The following HELZ variants were observed in gnomAD, a reference collection of about 807,000 sequenced individuals.
HELZ encodes helicase with zinc finger, also known as ATP-dependent RNA helicase with zinc finger domain.
In HELZ, 23 loss-of-function variants were observed where a neutral mutation model predicts 218.2. That is an observed-to-expected ratio of 0.11 (90% CI 0.08 to 0.15). The LOEUF is 0.15. HELZ is among the 10% of genes least tolerant of loss of function. HELZ has a pLI of 1.00. For synonymous variants in HELZ, 814 were observed against 829.4 expected (o/e 0.98, Z 0.32); for missense variants, 1,813 against 2,353.7 (o/e 0.77, Z 4.75).
chr17:67,201,194 G>A lies in HELZ; in HGVS notation c.373-9C>T, dbSNP rs746472821. ...TTTGTTACCATCCCATTCTGAAAGG[G>A]TGAATAAAAAAGAGAAGAACCAATT... On this transcript the variant is annotated splice_polypyrimidine_tract_variant and intron_variant, in intron 6 of 32. Transcript: ENST00000358691. 2 of 1,591,086 alleles carry A rather than the reference G, an allele frequency of 1.3e-6. No homozygotes were observed. Among genetic ancestry groups the A allele is most frequent in the South Asian group, 1.1e-5 (1 of 90,226 alleles).
chr17:67,161,465 T>G (rs2038992627), intron 15 of HELZ, among the ~76,000 whole-genome samples: 1 of 152,178 alleles, frequency 6.6e-6, no homozygotes, highest in African/African-American at 2.4e-5. Context: ...AGTAGTAGGT[T>G]TTTTTGCATA....
At chr17:67,154,754 G>A (rs1427502925) in intron 17 of HELZ, among the ~76,000 whole-genome samples, 2 of 152,046 alleles carry the variant, frequency 1.3e-5, no homozygotes, top group African/African-American at 4.8e-5. Flanking sequence ...TTTGGTGAGG[G>A]GGAAATTTTA....
At position 67,189,929 on chromosome 17, in the gene HELZ, G is replaced by A. The variant is rs146410791; in HGVS notation, c.756+228C>T. The stretch of plus-strand genomic sequence containing the variant: ...CAAAAATGGCACTCAAAAACTGCCT[G>A]AATGAAGGTAATTAATACAGTACAG... On this transcript the variant is annotated intron_variant, in intron 10 of 32. Transcript: ENST00000358691. 4.7e-3 allele frequency among the ~76,000 whole-genome samples: 714 copies of A among 152,284 alleles called. 5 individuals carry two copies. Among genetic ancestry groups the A allele is most frequent in the African/African-American group, 0.016 (679 of 41,572 alleles).
chr17:67,123,856 A>G, intron 25 of HELZ, 107 bp downstream of exon 25: 1 of 738,926 alleles, frequency 1.4e-6, no homozygotes, highest in Non-Finnish European at 2.4e-6. Flanking sequence ...TCAGAGAGAA[A>G]GAGAGAGAGA....
At chr17:67,193,239 GGAGGCTGAGGTGAGAGGATCATTT>G (rs2039941683) in intron 9 of HELZ, among the ~76,000 whole-genome samples, 1 of 151,770 alleles carries the variant, frequency 6.6e-6, no homozygotes, top group Non-Finnish European at 1.5e-5. Flanking sequence ...CAGCTACTTG[GGAGGCTGAGGTGAGAGGATCATTT>G]GAGCCTGGGA....
At chr17:67,144,814 C>T (rs566496928) in intron 21 of HELZ, among the ~76,000 whole-genome samples, 2 of 152,172 alleles carry the variant, frequency 1.3e-5, no homozygotes, top group Non-Finnish European at 2.9e-5. Context: ...AAGGAGACCC[C>T]TAAAGTTATT....
intron 9 of HELZ, 28 bp downstream of exon 9, chr17:67,193,939 T>C (rs752943362): frequency 6.4e-7 from 1 of 1,560,708 alleles, no homozygotes; most frequent in Non-Finnish European, 8.8e-7. Flanking sequence ...GACATGTCAT[T>C]GTTTAAAAAC....
At chr17:67,217,540 C>G (rs1172471482) in intron 4 of HELZ, among the ~76,000 whole-genome samples, 4 of 152,196 alleles carry the variant, frequency 2.6e-5, no homozygotes, top group Non-Finnish European at 5.9e-5. Flanking sequence ...CCTGCAATAG[C>G]TCCCCAACTC....
chr17:67,172,582 G>A (rs8067363), intron 13 of HELZ, among the ~76,000 whole-genome samples: 152,286 of 152,328 alleles, frequency 1, 76,122 homozygotes, highest in Middle Eastern at 1. Context: ...CAACTATCTT[G>A]GGCCACATAT....
At chr17:67,209,713 T>C (rs1020127998) in intron 5 of HELZ, among the ~76,000 whole-genome samples, 3 of 150,290 alleles carry the variant, frequency 2.0e-5, no homozygotes, top group Non-Finnish European at 4.4e-5. Flanking sequence ...ACACTTCCAC[T>C]CTGGACTGGC....
intron 23 of HELZ, among the ~76,000 whole-genome samples, chr17:67,134,990 T>A (rs1470755829): frequency 6.6e-6 from 1 of 151,856 alleles, no homozygotes; most frequent in Non-Finnish European, 1.5e-5. Context: ...TTTTTTTTTT[T>A]AATGCTAGCA....
intron 2 of HELZ, among the ~76,000 whole-genome samples, chr17:67,242,957 A>C (rs1318238753): frequency 2.0e-5 from 3 of 152,146 alleles, no homozygotes; most frequent in African/African-American, 7.2e-5. Context: ...ACAAAAAAAA[A>C]ACTACAGTAA....
At chr17:67,165,085 T>G (rs902558521) in intron 15 of HELZ, among the ~76,000 whole-genome samples, 2 of 152,142 alleles carry the variant, frequency 1.3e-5, no homozygotes, top group Admixed American at 6.5e-5. Context: ...GTCACTGGAT[T>G]TTTACAATCA....
At chr17:67,154,394 A>C (rs2038777929) in intron 17 of HELZ, among the ~76,000 whole-genome samples, 2 of 152,204 alleles carry the variant, frequency 1.3e-5, no homozygotes, top group Non-Finnish European at 2.9e-5. Flanking sequence ...ACACCACTGC[A>C]CTCCAGCCTG....
intron 3 of HELZ, among the ~76,000 whole-genome samples, chr17:67,220,220 A>C (rs539337929): frequency 3.9e-5 from 6 of 152,298 alleles, no homozygotes; most frequent in Non-Finnish European, 7.3e-5. Flanking sequence ...AATAAACTGC[A>C]GTGCAAGATG....
chr17:67,146,507 C>A (rs765326585), intron 20 of HELZ, among the ~76,000 whole-genome samples: 5 of 152,114 alleles, frequency 3.3e-5, no homozygotes, highest in Non-Finnish European at 7.4e-5. Context: ...GTTCACACAA[C>A]AACAAAATCA....
chr17:67,165,935 C>CTTCCT (rs2039129364), intron 15 of HELZ, among the ~76,000 whole-genome samples: 3 of 152,066 alleles, frequency 2.0e-5, no homozygotes, highest in Non-Finnish European at 4.4e-5. Context: ...ATTTCGAGAC[C>CTTCCT]AGCATGGACA....
rs1019941375 is a variant in HELZ, at chr17:67,085,206, T to C, written c.5494+1623A>G. ...GGCTGAGGTGGGCAGATCGCTTGAGTCCAGGAGTTTGAGACCAGCCTGGGA... is the reference window on the plus strand; with the variant it reads ...GGCTGAGGTGGGCAGATCGCTTGAGCCCAGGAGTTTGAGACCAGCCTGGGA... On this transcript the variant is annotated intron_variant, in intron 32 of 32. Coordinates refer to ENST00000358691, the MANE Select transcript of HELZ (RefSeq NM_014877.4). Among the ~76,000 whole-genome samples the C allele has an allele frequency of 2.6e-5, 4 of 151,770 alleles. No individual in the cohort carries two copies. In the South Asian group the frequency reaches 8.3e-4, roughly 32 times the overall value.
At chr17:67,239,573 A>C (rs559434118) in intron 2 of HELZ, 84 bp from the exon 3 acceptor site, 4 of 152,338 alleles carry the variant, frequency 2.6e-5, no homozygotes, top group Admixed American at 2.6e-4. Flanking sequence ...ATTTGTATCC[A>C]ATATTCCCAG....
Sources: gnomAD v4.1 joint callset for allele counts (sites outside exome capture counted in the v4.1 genomes callset) on GRCh38, gnomAD v4.1.1 for gene constraint, MANE v1.5 for transcripts, NCBI Gene and HGNC (gene_info 2026-07-23, HGNC 2026-07-21) for gene names.